KIAA1549: variants seen among roughly 807,000 people sequenced by gnomAD.
The protein encoded by KIAA1549 is UPF0606 protein KIAA1549.
A neutral mutation model predicts 156.4 loss-of-function variants in KIAA1549; 70 were observed. That is an observed-to-expected ratio of 0.45 (90% CI 0.37 to 0.55). The LOEUF is 0.55. KIAA1549 is among the 20% of genes least tolerant of loss of function. KIAA1549 has a pLI of 0.00. For synonymous variants in KIAA1549, 1,103 were observed against 1,066.4 expected (o/e 1.03, Z -0.67); for missense variants, 2,428 against 2,540.9 (o/e 0.96, Z 0.96).
chr7:138,962,194 A>G (rs1813874431), intron 1 of KIAA1549, among the ~76,000 whole-genome samples: 1 of 152,234 alleles, frequency 6.6e-6, no homozygotes, highest in Non-Finnish European at 1.5e-5. Flanking sequence ...AATGCCTGAC[A>G]TAAGTGCACA....
intron 15 of KIAA1549, among the ~76,000 whole-genome samples, chr7:138,863,216 G>A (rs1349314020): frequency 6.6e-6 from 1 of 151,274 alleles, no homozygotes; most frequent in Non-Finnish European, 1.5e-5. Flanking sequence ...AGGGGCTGGG[G>A]ACCCCATACC....
At chr7:138,857,007 T>C (rs1272236007) in intron 16 of KIAA1549, among the ~76,000 whole-genome samples, 1 of 152,200 alleles carries the variant, frequency 6.6e-6, no homozygotes, top group African/African-American at 2.4e-5. Flanking sequence ...AGCTGGGACA[T>C]GAATCTTCTC....
chr7:138,881,631 G>A, intron 10 of KIAA1549, 47 bp from the exon 11 acceptor site: 1 of 1,539,898 alleles, frequency 6.5e-7, no homozygotes, highest in South Asian at 1.2e-5. Flanking sequence ...CGGAATCCAA[G>A]GCTGATGAGA....
At chr7:138,867,916 C>T (rs969513329) in intron 15 of KIAA1549, 59 bp downstream of exon 15, 73 of 1,572,444 alleles carry the variant, frequency 4.6e-5, no homozygotes, top group African/African-American at 2.4e-4. Flanking sequence ...CCCCTTTCAG[C>T]GCATCTTTCT....
Position 138,913,595 on chromosome 7 carries a change from C to T in KIAA1549, c.2879-1135G>A, listed in dbSNP as rs369444078. On this transcript the variant is annotated intron_variant, in intron 2 of 19. Transcript: ENST00000422774. ...TTTTTAAAGTAGAGACAGAATCACTCTGTATTCTTCATTCTTTAAAACAAA... is the reference window on the plus strand; with the variant it reads ...TTTTTAAAGTAGAGACAGAATCACTTTGTATTCTTCATTCTTTAAAACAAA... 3.9e-5 allele frequency among the ~76,000 whole-genome samples: 6 copies of T among 152,234 alleles called. No homozygotes were observed. The South Asian group carries it at 1.2e-3, about 32-fold the overall frequency.
chr7:138,979,711 G>A (rs1814487611), intron 1 of KIAA1549, among the ~76,000 whole-genome samples: 1 of 152,140 alleles, frequency 6.6e-6, no homozygotes, highest in Non-Finnish European at 1.5e-5. Context: ...GGACTGAGAC[G>A]GGAGGTCCTA....
rs143863318 is a variant in KIAA1549 at position 138,933,276 on chromosome 7, C to T, written c.188-13838G>A. On this transcript the variant is annotated intron_variant, in intron 1 of 19. Coordinates refer to ENST00000422774, the MANE Select transcript of KIAA1549 (RefSeq NM_001164665.2). ...GAATCACCGAGGAGCTGGTTAAAGA[C>T]GCAAGTTTCTAAAAAGGCAAAGCAG... Among the ~76,000 whole-genome samples the T allele has an allele frequency of 9.2e-5, 14 of 152,312 alleles. 1 individual carries two copies. Among genetic ancestry groups the T allele is most frequent in the South Asian group, 6.2e-4 (3 of 4,818 alleles).
rs775828729 is a variant in KIAA1549, at chr7:138,836,257, A to AT, written c.*1648_*1649insA. 4.4e-5 allele frequency: 9 copies of AT among 203,792 alleles called. No individual in the cohort carries two copies. The highest frequency in any genetic ancestry group is 3.0e-4 in the Admixed American group (5 of 16,740). The allele number at this position is 203,792 out of a possible 1,614,324, so 12.6% of individuals were successfully genotyped here. On this transcript the variant is annotated 3_prime_UTR_variant, in exon 20 of 20. Transcript: ENST00000422774. ...GATTATAAAATTGTATTTTTACCAT[A>AT]CCTTTTCTATGTTTAGCTATGTTTA...
chr7:138,890,317 G>A (rs1285213571), intron 10 of KIAA1549, among the ~76,000 whole-genome samples: 1 of 152,248 alleles, frequency 6.6e-6, no homozygotes, highest in Non-Finnish European at 1.5e-5. Context: ...CTGGGAAGGA[G>A]TTGAGATGAC....
Position 138,918,085 on chromosome 7 carries a change from C to G in KIAA1549, c.1541G>C (p.Ser514Thr). ...SVGISAEVDM[S>T]SVTTTQVPPA... ...GGGAACCTGTGTGGTTGTAACACTACTCATATCCACCTCGGCAGAAATGCC... is the reference window on the plus strand; with the variant it reads ...GGGAACCTGTGTGGTTGTAACACTAGTCATATCCACCTCGGCAGAAATGCC... The change falls in exon 2 of 20, where the codon AGT becomes ACT. Residue 514 changes from serine (S) to threonine (T), a missense_variant. Ser to Thr is a moderately conservative substitution (Grantham distance 58, BLOSUM62 1). Around this residue, in one of 5 missense-constraint regions of KIAA1549, gnomAD observed 893 missense variants for 847.9 expected, o/e 1.05. Transcript: ENST00000422774. This position sits in a 1 kb window ranked among gnomAD's most constrained non-coding sequence, Gnocchi z 4.2. The G allele has an allele frequency of 6.2e-7, 1 of 1,613,806 alleles. No homozygotes were observed. The highest frequency in any genetic ancestry group is 8.5e-7 in the Non-Finnish European group (1 of 1,179,850).
At chr7:138,931,144 G>A (rs1812859325) in intron 1 of KIAA1549, among the ~76,000 whole-genome samples, 1 of 152,128 alleles carries the variant, frequency 6.6e-6, no homozygotes, top group Non-Finnish European at 1.5e-5. Flanking sequence ...AGAGTTTGCG[G>A]CACCCCAGGA....
intron 1 of KIAA1549, among the ~76,000 whole-genome samples, chr7:138,974,618 T>G (rs1379079797): frequency 1.3e-5 from 2 of 151,820 alleles, no homozygotes; most frequent in Non-Finnish European, 2.9e-5. Context: ...AGACGAGGTT[T>G]CACTATGTTG....
intron 10 of KIAA1549, among the ~76,000 whole-genome samples, chr7:138,886,020 C>G (rs374891132): frequency 5.3e-5 from 8 of 152,036 alleles, no homozygotes; most frequent in African/African-American, 1.9e-4. Flanking sequence ...GAGGAAAGCC[C>G]CCCCCCAAAT....
At chr7:138,964,261 CTG>C (rs1433875282) in intron 1 of KIAA1549, among the ~76,000 whole-genome samples, 1 of 152,182 alleles carries the variant, frequency 6.6e-6, no homozygotes, top group Non-Finnish European at 1.5e-5. Flanking sequence ...CAAGCAAAGC[CTG>C]TGAGTGGGCA....
rs561196518 is a variant in KIAA1549, at chr7:138,911,087, GAT to G, written c.3145+57_3145+58del. On this transcript the variant is annotated intron_variant, in intron 4 of 19. Transcript: ENST00000422774. ...AAAATGATTTCCAATATTTTAGAAA[GAT>G]AAAAAAAAAATGAAATTCTTTTTAC... 293 of 1,085,644 alleles carry G rather than the reference GAT, an allele frequency of 2.7e-4. 1 individual carries two copies. In the African/African-American group the frequency reaches 5.3e-3, roughly 20 times the overall value. The allele number at this position is 1,085,644 out of a possible 1,614,324, so 67.3% of individuals were successfully genotyped here. A position where few individuals can be genotyped will look rare whatever the true frequency, so the allele number is the denominator to read the frequency against.
At chr7:138,840,493 G>A (rs987383243) in intron 18 of KIAA1549, among the ~76,000 whole-genome samples, 9 of 151,978 alleles carry the variant, frequency 5.9e-5, no homozygotes, top group Admixed American at 1.3e-4. Flanking sequence ...AATGCACCAC[G>A]AAGCGGTAGG....
chr7:138,958,228 C>G (rs1218702668), intron 1 of KIAA1549, among the ~76,000 whole-genome samples: 1 of 141,488 alleles, frequency 7.1e-6, no homozygotes, highest in Non-Finnish European at 1.5e-5. Flanking sequence ...CTGCCTGGCG[C>G]CCACGCCCAC....
intron 10 of KIAA1549, among the ~76,000 whole-genome samples, chr7:138,891,630 G>A (rs1239214579): frequency 1.3e-5 from 2 of 152,276 alleles, no homozygotes; most frequent in Non-Finnish European, 2.9e-5. Flanking sequence ...TTCTCGTTAC[G>A]AGGGGAAGGG....
intron 13 of KIAA1549, 29 bp downstream of exon 13, chr7:138,871,128 G>C (rs1326079144): frequency 1.3e-6 from 2 of 1,599,884 alleles, no homozygotes; most frequent in South Asian, 1.1e-5. Context: ...AGTTTTTTAA[G>C]TAACAGACTT....
Sources: gnomAD v4.1 joint callset for allele counts (sites outside exome capture counted in the v4.1 genomes callset) on GRCh38, gnomAD v4.1.1 for gene constraint, gnomAD v4.1.1 regional missense constraint, Gnocchi (gnomAD v3.1) non-coding constraint, MANE v1.5 for transcripts, NCBI Gene and HGNC (gene_info 2026-07-23, HGNC 2026-07-21) for gene names.